NOS1AP: variants seen among roughly 807,000 people sequenced by gnomAD.
NOS1AP encodes nitric oxide synthase 1 adaptor protein.
NOS1AP carries 21 observed loss-of-function variants against 56.2 expected under a neutral mutation model. The ratio of observed to expected loss-of-function variants is 0.37; its 90% CI spans 0.26 to 0.54. The LOEUF (loss-of-function observed/expected upper bound fraction) is 0.54. Ranked by LOEUF, NOS1AP falls within the 20% of genes least tolerant of loss-of-function variation. The pLI, the probability that NOS1AP is intolerant of heterozygous loss-of-function variation, is 0.84. For missense variants in NOS1AP, 522 were observed against 657.8 expected (o/e 0.79, Z 2.26); for synonymous variants, 270 against 274.6 (o/e 0.98, Z 0.17).
intron 2 of NOS1AP, among the ~76,000 whole-genome samples, chr1:162,170,926 G>C (rs1650746739): frequency 1.3e-5 from 2 of 149,360 alleles, no homozygotes; most frequent in African/African-American, 5.0e-5. Flanking sequence ...GCAACAAAGA[G>C]TGAAACTCCA....
At chr1:162,239,555 G>A (rs1653416863) in intron 2 of NOS1AP, among the ~76,000 whole-genome samples, 1 of 152,174 alleles carries the variant, frequency 6.6e-6, no homozygotes, top group Non-Finnish European at 1.5e-5. Flanking sequence ...ATCAACACAC[G>A]TGCTTATATT....
At chr1:162,100,830 A>G (rs990709773) in intron 1 of NOS1AP, among the ~76,000 whole-genome samples, 1 of 151,984 alleles carries the variant, frequency 6.6e-6, no homozygotes, top group Non-Finnish European at 1.5e-5. Context: ...TAGACTCTGG[A>G]TATTAGATCT....
chr1:162,219,258 T>C (rs1652685471), intron 2 of NOS1AP, among the ~76,000 whole-genome samples: 1 of 152,216 alleles, frequency 6.6e-6, no homozygotes, highest in Non-Finnish European at 1.5e-5. Flanking sequence ...AGTGCCTGGC[T>C]CATGGCAAGT....
chr1:162,357,798 A>G (rs191550), intron 8 of NOS1AP, among the ~76,000 whole-genome samples: 151,220 of 152,078 alleles, frequency 0.99, 75,190 homozygotes, highest in East Asian at 1. Context: ...CTGCTACATT[A>G]TAGGGGAGGG....
chr1:162,154,820 T>C (rs566135079), intron 2 of NOS1AP, among the ~76,000 whole-genome samples: 2 of 152,212 alleles, frequency 1.3e-5, no homozygotes, highest in South Asian at 4.2e-4. Flanking sequence ...TTAGTAATGA[T>C]CTGGTAATTG....
At chr1:162,296,233 G>T (rs1655454966) in intron 3 of NOS1AP, among the ~76,000 whole-genome samples, 1 of 152,246 alleles carries the variant, frequency 6.6e-6, no homozygotes, top group Admixed American at 6.5e-5. Flanking sequence ...CTTGCAGTGA[G>T]CCGAGATCGC....
rs180869792 is a variant in NOS1AP at position 162,282,957 on chromosome 1, T to C, written c.178-4387T>C. Among the ~76,000 whole-genome samples, 3 of 152,174 alleles carry C rather than the reference T, an allele frequency of 2.0e-5. No individual in the cohort carries two copies. The East Asian group carries it at 5.8e-4, about 29-fold the overall frequency. On this transcript the variant is annotated intron_variant, in intron 2 of 9. Transcript: ENST00000361897. ...GGACTTGGCAAAATGAATTTTATGGTTAAGAATGAGGGAGACCTGCTTCCT... is the reference window on the plus strand; with the variant it reads ...GGACTTGGCAAAATGAATTTTATGGCTAAGAATGAGGGAGACCTGCTTCCT...
chr1:162,097,050 A>G (rs1289054930), intron 1 of NOS1AP, among the ~76,000 whole-genome samples: 1 of 151,804 alleles, frequency 6.6e-6, no homozygotes, highest in African/African-American at 2.4e-5. Context: ...ATATACATTC[A>G]TATTGCTGTG....
chr1:162,255,547 C>T (rs535112774), intron 2 of NOS1AP, among the ~76,000 whole-genome samples: 10 of 107,652 alleles, frequency 9.3e-5, no homozygotes, highest in African/African-American at 3.5e-4. Flanking sequence ...TAATGCATTG[C>T]TCTGAGCTAT....
chr1:162,211,220 A>C (rs1377354071), intron 2 of NOS1AP, among the ~76,000 whole-genome samples: 3 of 152,208 alleles, frequency 2.0e-5, no homozygotes, highest in East Asian at 3.9e-4. Flanking sequence ...GGATTGAACA[A>C]GAGAAATTTA....
At chr1:162,343,759 G>C in intron 5 of NOS1AP, 76 bp from the exon 6 acceptor site, 1 of 1,545,086 alleles carries the variant, frequency 6.5e-7, no homozygotes, top group South Asian at 1.1e-5. Flanking sequence ...TCTTTCTTTG[G>C]CTGCTTCATG....
intron 3 of NOS1AP, among the ~76,000 whole-genome samples, chr1:162,298,226 G>A (rs1655534564): frequency 6.6e-6 from 1 of 152,252 alleles, no homozygotes; most frequent in African/African-American, 2.4e-5. Flanking sequence ...AGAAGGCTGA[G>A]AAGGGTGCCA....
chr1:162,085,294 A>G (rs1478602891), intron 1 of NOS1AP, among the ~76,000 whole-genome samples: 4 of 151,960 alleles, frequency 2.6e-5, no homozygotes, highest in African/African-American at 9.7e-5. Context: ...TTTTAGTTCT[A>G]TTTCAGAGGA....
chr1:162,264,817 T>C (rs1177308511), intron 2 of NOS1AP, among the ~76,000 whole-genome samples: 1 of 1,694 alleles, frequency 5.9e-4, no homozygotes, highest in Non-Finnish European at 3.0e-3. Context: ...CGCCCGACCT[T>C]TTTTTTTTTT....
intron 2 of NOS1AP, among the ~76,000 whole-genome samples, chr1:162,233,706 T>C (rs1334568966): frequency 6.6e-6 from 1 of 152,226 alleles, no homozygotes; most frequent in Non-Finnish European, 1.5e-5. Flanking sequence ...GATATGACTT[T>C]CTGGGACTTT....
intron 1 of NOS1AP, among the ~76,000 whole-genome samples, chr1:162,120,648 G>C (rs777464239): frequency 1.3e-5 from 2 of 152,142 alleles, no homozygotes; most frequent in Non-Finnish European, 2.9e-5. Context: ...CAGATCTCGT[G>C]ACACTTATTT....
Position 162,348,021 on chromosome 1 carries a change from C to A in NOS1AP, c.595+4045C>A, listed in dbSNP as rs868779465. Among the ~76,000 whole-genome samples the A allele has an allele frequency of 5.9e-5, 9 of 152,248 alleles. 1 individual carries two copies. The Middle Eastern group carries it at 0.017, about 288-fold the overall frequency. ...TGTTTTCTTCACTCCTGGCTGATGC[C>A]GTTAACATTAACATTTAGTCCACTG... is the stretch of plus-strand genomic sequence containing the variant. On this transcript the variant is annotated intron_variant, in intron 6 of 9. Transcript: ENST00000361897.
intron 2 of NOS1AP, among the ~76,000 whole-genome samples, chr1:162,186,135 A>G (rs1651423458): frequency 6.6e-6 from 1 of 152,234 alleles, no homozygotes; most frequent in Non-Finnish European, 1.5e-5. Context: ...ATCTATATTC[A>G]GCACCATTTA....
At chr1:162,105,446 TA>T (rs1346166285) in intron 1 of NOS1AP, among the ~76,000 whole-genome samples, 3 of 152,202 alleles carry the variant, frequency 2.0e-5, no homozygotes, top group Non-Finnish European at 4.4e-5. Flanking sequence ...TATGCTGCAT[TA>T]GGGGGGTACC....
Sources: allele counts gnomAD v4.1 joint callset (sites outside exome capture counted in the v4.1 genomes callset), GRCh38; gene constraint gnomAD v4.1.1; transcripts MANE v1.5; gene names NCBI Gene and HGNC (gene_info 2026-07-23, HGNC 2026-07-21).